MTHFD2L: variants seen among roughly 807,000 people sequenced by gnomAD.
The protein encoded by MTHFD2L is methylenetetrahydrofolate dehydrogenase (NADP+ dependent) 2 like.
A neutral mutation model predicts 34.9 loss-of-function variants in MTHFD2L; 29 were observed. The ratio of observed to expected loss-of-function variants is 0.83; its 90% CI spans 0.62 to 1.13. MTHFD2L has a LOEUF of 1.13. Among genes scored for constraint, MTHFD2L ranks in the 50% most tolerant of loss-of-function variants. MTHFD2L has a pLI of 0.00. For synonymous variants in MTHFD2L, 167 were observed against 155.7 expected (o/e 1.07, Z -0.54); for missense variants, 481 against 446.5 (o/e 1.08, Z -0.70).
chr4:74,221,778 TTTCTG>T (rs1228082308), intron 5 of MTHFD2L, among the ~76,000 whole-genome samples: 1 of 151,800 alleles, frequency 6.6e-6, no homozygotes, highest in Non-Finnish European at 1.5e-5. Flanking sequence ...ATCATATTAT[TTTCTG>T]TTCTGTTTAT....
chr4:74,239,279 GA>G (rs760867496), intron 6 of MTHFD2L, among the ~76,000 whole-genome samples: 59 of 152,238 alleles, frequency 3.9e-4, no homozygotes, highest in Middle Eastern at 3.4e-3. Flanking sequence ...GGTGGGAACT[GA>G]ACAATGAGAA....
intron 4 of MTHFD2L, 62 bp downstream of exon 4, chr4:74,200,008 G>A: frequency 1.3e-6 from 2 of 1,507,640 alleles, no homozygotes; most frequent in Non-Finnish European, 1.8e-6. Context: ...TTTGTGCACT[G>A]AGACTTGATG....
chr4:74,247,190 T>A (rs1742600090), intron 6 of MTHFD2L, among the ~76,000 whole-genome samples: 1 of 151,874 alleles, frequency 6.6e-6, no homozygotes. Flanking sequence ...GAAGGGGTCC[T>A]TCATGTCCCT....
Position 74,301,803 on chromosome 4 carries a change from T to G in MTHFD2L, c.1038T>G (p.Ile346Met). 1 of 1,599,426 alleles carries G rather than the reference T, an allele frequency of 6.3e-7. No individual in the cohort carries two copies. The highest frequency in any genetic ancestry group is 8.5e-7 in the Non-Finnish European group (1 of 1,170,106). ...CCCTTCTGGCAGCTAAAAAAATCATTTACTAGATCACATGAAAGGATAAAG... is the reference window on the plus strand; with the variant it reads ...CCCTTCTGGCAGCTAAAAAAATCATGTACTAGATCACATGAAAGGATAAAG... ...KNTLLAAKKI[I>M]Y Residue 346 changes from isoleucine to methionine, a missense_variant, in exon 8 of 8, where the codon ATT becomes ATG. By Grantham distance (10) the Ile-to-Met change is conservative. Transcript: ENST00000325278.
intron 3 of MTHFD2L, among the ~76,000 whole-genome samples, chr4:74,186,695 A>G (rs889748176): frequency 2.0e-5 from 3 of 152,108 alleles, no homozygotes; most frequent in Non-Finnish European, 4.4e-5. Context: ...GCCTAAATAA[A>G]TGGATTAATA....
At chr4:74,176,178 C>T (rs1436679983) in intron 3 of MTHFD2L, among the ~76,000 whole-genome samples, 3 of 152,044 alleles carry the variant, frequency 2.0e-5, no homozygotes, top group Admixed American at 1.3e-4. Flanking sequence ...GATTCACCCT[C>T]ATTAAGTTCC....
intron 5 of MTHFD2L, among the ~76,000 whole-genome samples, chr4:74,203,934 G>C (rs1225689634): frequency 6.7e-6 from 1 of 149,734 alleles, no homozygotes; most frequent in East Asian, 2.0e-4. Flanking sequence ...GTTTTTATCT[G>C]TAACATAACA....
At chr4:74,281,307 A>T in intron 6 of MTHFD2L, 118 bp from the exon 7 acceptor site, 1 of 1,022,408 alleles carries the variant, frequency 9.8e-7, no homozygotes, top group Non-Finnish European at 1.4e-6. Context: ...TTTTTAAGGA[A>T]CAATGTATTA....
In MTHFD2L at chr4:74,244,970, G is replaced by A. The variant is rs761948779; in HGVS notation, c.805+19576G>A. On this transcript the variant is annotated intron_variant, in intron 6 of 7. Transcript: ENST00000325278. ...AGCACTTTGGGAGGCCGAGGCGGGCGGATCACAAGGTCAAGAGCTCGAGAC... is the reference window on the plus strand; with the variant it reads ...AGCACTTTGGGAGGCCGAGGCGGGCAGATCACAAGGTCAAGAGCTCGAGAC... Among the ~76,000 whole-genome samples, 3 of 151,836 alleles carry A rather than the reference G, an allele frequency of 2.0e-5. No individual in the cohort carries two copies. The South Asian group carries it at 6.2e-4, about 31-fold the overall frequency.
At chr4:74,207,337 T>C (rs1280696097) in intron 5 of MTHFD2L, among the ~76,000 whole-genome samples, 1 of 152,156 alleles carries the variant, frequency 6.6e-6, no homozygotes, top group Non-Finnish European at 1.5e-5. Context: ...TCTGGCATCA[T>C]TGGAGTAATA....
intron 1 of MTHFD2L, among the ~76,000 whole-genome samples, chr4:74,135,061 A>G (rs1722810800): frequency 6.6e-6 from 1 of 152,192 alleles, no homozygotes; most frequent in Admixed American, 6.5e-5. Context: ...AAGAAATAAT[A>G]AGAGAATACT....
At chr4:74,276,187 C>G (rs1314358638) in intron 6 of MTHFD2L, among the ~76,000 whole-genome samples, 1 of 152,076 alleles carries the variant, frequency 6.6e-6, no homozygotes, top group East Asian at 1.9e-4. Context: ...CTGTTTGATG[C>G]TACCTACTGA....
chr4:74,198,463 A>G (rs1231595134), intron 3 of MTHFD2L, among the ~76,000 whole-genome samples: 2 of 152,126 alleles, frequency 1.3e-5, no homozygotes, highest in Non-Finnish European at 2.9e-5. Context: ...CTAGCTAAAA[A>G]TAGATACTCC....
At position 74,187,787 on chromosome 4, in the gene MTHFD2L, G is replaced by A. The variant is rs550505565; in HGVS notation, c.452-12007G>A. 5.4e-4 allele frequency among the ~76,000 whole-genome samples: 70 copies of A among 128,956 alleles called. 1 individual carries two copies. Among genetic ancestry groups the A allele is most frequent in the South Asian group, 3.2e-3 (12 of 3,766 alleles). The allele number at this position is 128,956 out of a possible 152,430, so 84.6% of individuals were successfully genotyped here. ...ACACACACACTGGTCCAGCCATTCT[G>A]TGCCTGTGTATTTACACACACACAC... On this transcript the variant is annotated intron_variant, in intron 3 of 7. Transcript: ENST00000325278.
At chr4:74,147,660 C>T (rs1475209136) in intron 1 of MTHFD2L, among the ~76,000 whole-genome samples, 1 of 152,176 alleles carries the variant, frequency 6.6e-6, no homozygotes, top group Non-Finnish European at 1.5e-5. Context: ...CCAATTTCTC[C>T]ACATCCTCCC....
At chr4:74,136,872 G>T (rs980927676) in intron 1 of MTHFD2L, among the ~76,000 whole-genome samples, 1 of 152,146 alleles carries the variant, frequency 6.6e-6, no homozygotes, top group Non-Finnish European at 1.5e-5. Flanking sequence ...ATGGGGAAAG[G>T]TCAGCCTTTT....
chr4:74,210,955 A>G (rs1736211693), intron 5 of MTHFD2L, among the ~76,000 whole-genome samples: 1 of 152,084 alleles, frequency 6.6e-6, no homozygotes, highest in Non-Finnish European at 1.5e-5. Flanking sequence ...GCAATTGTCA[A>G]TGGGAGTTCA....
intron 6 of MTHFD2L, among the ~76,000 whole-genome samples, chr4:74,251,898 A>G (rs1386405832): frequency 6.6e-6 from 1 of 152,268 alleles, no homozygotes; most frequent in Non-Finnish European, 1.5e-5. Flanking sequence ...TCTGTAGACT[A>G]GAATAAGGAT....
chr4:74,127,361 T>C (rs1440818377), intron 1 of MTHFD2L, among the ~76,000 whole-genome samples: 1 of 152,174 alleles, frequency 6.6e-6, no homozygotes, highest in African/African-American at 2.4e-5. Flanking sequence ...TTCAATTAAC[T>C]GTATAGTTGT....
Sources: allele counts gnomAD v4.1 joint callset (sites outside exome capture counted in the v4.1 genomes callset), GRCh38; gene constraint gnomAD v4.1.1; transcripts MANE v1.5; gene names NCBI Gene and HGNC (gene_info 2026-07-23, HGNC 2026-07-21).